Variants in PCSK5 observed in about 807,000 individuals in gnomAD.
The protein encoded by PCSK5 is prohormone convertase 5.
In PCSK5, 129 loss-of-function variants were observed where a neutral mutation model predicts 233.2. That is an observed-to-expected ratio of 0.55 (90% CI 0.48 to 0.64). The LOEUF is 0.64. PCSK5 is among the 30% of genes least tolerant of loss of function. The pLI, the probability that PCSK5 is intolerant of heterozygous loss-of-function variation, is 0.00. For synonymous variants in PCSK5, 825 were observed against 879.2 expected (o/e 0.94, Z 1.09); for missense variants, 2,076 against 2,430.1 (o/e 0.85, Z 3.06).
chr9:75,993,644 C>T (rs2131408895), intron 3 of PCSK5, among the ~76,000 whole-genome samples: 1 of 152,302 alleles, frequency 6.6e-6, no homozygotes, highest in Middle Eastern at 3.4e-3. Flanking sequence ...ACTTACATGA[C>T]TCATCATGTA....
intron 20 of PCSK5, among the ~76,000 whole-genome samples, chr9:76,204,908 T>C (rs1055749448): frequency 1.3e-5 from 2 of 152,174 alleles, no homozygotes; most frequent in South Asian, 2.1e-4. Flanking sequence ...ATTCACTGGC[T>C]GGATCACTGT....
At chr9:75,947,347 A>T (rs558875107) in intron 2 of PCSK5, among the ~76,000 whole-genome samples, 7 of 152,354 alleles carry the variant, frequency 4.6e-5, no homozygotes, top group African/African-American at 1.7e-4. Flanking sequence ...AGGATAGAAA[A>T]TAGAAGAAAC....
chr9:75,987,177 C>CGGGATA (rs1826552862), intron 3 of PCSK5, among the ~76,000 whole-genome samples: 1 of 152,144 alleles, frequency 6.6e-6, no homozygotes, highest in Non-Finnish European at 1.5e-5. Flanking sequence ...TCCCTGCCTC[C>CGGGATA]CATTCCTTCT....
At chr9:76,008,266 C>G (rs1327267733) in intron 3 of PCSK5, among the ~76,000 whole-genome samples, 1 of 151,914 alleles carries the variant, frequency 6.6e-6, no homozygotes, top group Non-Finnish European at 1.5e-5. Flanking sequence ...TTGTTGTGTT[C>G]CTTTTTTCCT....
chr9:76,022,343 T>C (rs1309200697), intron 3 of PCSK5, among the ~76,000 whole-genome samples: 1 of 152,234 alleles, frequency 6.6e-6, no homozygotes, highest in Non-Finnish European at 1.5e-5. Flanking sequence ...TAGTAGGTAC[T>C]CAATGACGTG....
chr9:76,250,841 G>A (rs1200934975), intron 24 of PCSK5, among the ~76,000 whole-genome samples: 1 of 152,210 alleles, frequency 6.6e-6, no homozygotes, highest in Non-Finnish European at 1.5e-5. Flanking sequence ...AGAGCTATTT[G>A]GGGTTTTAGA....
rs1376717003 is a variant in PCSK5 at position 75,932,278 on chromosome 9, TG to T, written c.193-100del. On this transcript the variant is annotated intron_variant, in intron 1 of 37. Transcript: ENST00000674117. The stretch of plus-strand genomic sequence containing the variant: ...AGCTGCATAATTTATGGACCTTTTT[TG>T]TTTTGTGTTCCTTTTTAAATGAAAA... The T allele has an allele frequency of 3.5e-5, 25 of 708,724 alleles. No homozygotes were observed. The African/African-American group carries it at 3.9e-4, about 11-fold the overall frequency. The allele number at this position is 708,724 out of a possible 1,614,324, so 43.9% of individuals were successfully genotyped here.
intron 14 of PCSK5, among the ~76,000 whole-genome samples, chr9:76,177,850 T>C (rs771171892): frequency 2.0e-5 from 3 of 152,198 alleles, no homozygotes; most frequent in Admixed American, 6.5e-5. Flanking sequence ...ATGCTAAACT[T>C]CATCTGGGAC....
At chr9:76,086,887 T>C (rs1217352840) in intron 7 of PCSK5, among the ~76,000 whole-genome samples, 2 of 152,192 alleles carry the variant, frequency 1.3e-5, no homozygotes, top group East Asian at 1.9e-4. Flanking sequence ...ATTATTCAGC[T>C]CCAAAATTGT....
intron 24 of PCSK5, among the ~76,000 whole-genome samples, chr9:76,290,791 A>C (rs1828254243): frequency 6.6e-6 from 1 of 152,234 alleles, no homozygotes; most frequent in African/African-American, 2.4e-5. Context: ...GCATGAAAGC[A>C]TTCTTACACA....
At chr9:76,022,644 A>G (rs569274362) in intron 3 of PCSK5, among the ~76,000 whole-genome samples, 1 of 152,334 alleles carries the variant, frequency 6.6e-6, no homozygotes, top group African/African-American at 2.4e-5. Flanking sequence ...GGTTAGATGA[A>G]TGCTAGTAAA....
intron 4 of PCSK5, among the ~76,000 whole-genome samples, chr9:76,024,931 C>G (rs1024441200): frequency 6.6e-6 from 1 of 152,104 alleles, no homozygotes; most frequent in Non-Finnish European, 1.5e-5. Context: ...GAAATCTTGG[C>G]ATAGGAAAAC....
At chr9:75,902,088 C>A (rs1183494291) in intron 1 of PCSK5, among the ~76,000 whole-genome samples, 2 of 151,524 alleles carry the variant, frequency 1.3e-5, no homozygotes, top group Non-Finnish European at 2.9e-5. Context: ...TGGTGTCGAG[C>A]GTCTGTAATC....
chr9:75,981,578 G>A (rs867946248), intron 2 of PCSK5, among the ~76,000 whole-genome samples: 3 of 151,934 alleles, frequency 2.0e-5, no homozygotes, highest in South Asian at 2.1e-4. Flanking sequence ...TTAGCAACAG[G>A]ATCTCACTCC....
At chr9:76,082,438 G>A (rs180852475) in intron 7 of PCSK5, among the ~76,000 whole-genome samples, 1 of 152,266 alleles carries the variant, frequency 6.6e-6, no homozygotes, top group East Asian at 1.9e-4. Flanking sequence ...TTGATTCTTT[G>A]TTCATTCATT....
At chr9:75,995,694 A>G (rs762455008) in intron 3 of PCSK5, among the ~76,000 whole-genome samples, 9 of 150,860 alleles carry the variant, frequency 6.0e-5, no homozygotes, top group Non-Finnish European at 8.8e-5. Flanking sequence ...TGGAGGTCCA[A>G]TCTGTTAGTA....
intron 24 of PCSK5, among the ~76,000 whole-genome samples, chr9:76,266,312 A>G (rs556219203): frequency 1.3e-5 from 2 of 152,340 alleles, no homozygotes; most frequent in African/African-American, 4.8e-5. Context: ...TGAATGAAGT[A>G]AACAGTCCAT....
At chr9:76,138,626 A>G in intron 10 of PCSK5, among the ~76,000 whole-genome samples, 1 of 151,996 alleles carries the variant, frequency 6.6e-6, no homozygotes, top group Non-Finnish European at 1.5e-5. Flanking sequence ...TTTGGGTGTG[A>G]AGTTATAATT....
chr9:76,282,213 G>T (rs1368484853), intron 24 of PCSK5, among the ~76,000 whole-genome samples: 1 of 137,932 alleles, frequency 7.2e-6, no homozygotes, highest in Non-Finnish European at 1.5e-5. Flanking sequence ...AAACTCCTGG[G>T]CTCAAGTGAT....
Sources: allele counts gnomAD v4.1 joint callset (sites outside exome capture counted in the v4.1 genomes callset), GRCh38; gene constraint gnomAD v4.1.1; transcripts MANE v1.5; gene names NCBI Gene and HGNC (gene_info 2026-07-23, HGNC 2026-07-21).